Variants in CHD9NB observed in about 807,000 individuals in gnomAD.
CHD9NB encodes CHD9 neighbor protein.
the CHD9NB span, among the ~76,000 whole-genome samples, chr16:53,041,924 G>A: frequency 6.6e-6 from 1 of 152,178 alleles, no homozygotes; most frequent in Non-Finnish European, 1.5e-5. Flanking sequence ...CCTGGGACAG[G>A]GCAGGGCTTT....
the CHD9NB span, among the ~76,000 whole-genome samples, chr16:53,048,262 T>A: frequency 6.6e-6 from 1 of 151,500 alleles, no homozygotes; most frequent in African/African-American, 2.4e-5. Flanking sequence ...AAAAATTAGC[T>A]GGGTGTGGTG....
chr16:53,045,124 T>C, the CHD9NB span, among the ~76,000 whole-genome samples: 2 of 151,920 alleles, frequency 1.3e-5, no homozygotes, highest in South Asian at 4.1e-4. Context: ...TGTTTTTTTG[T>C]AGAGGTGCCG....
chr16:53,048,367 T>C, the CHD9NB span, among the ~76,000 whole-genome samples: 88 of 152,276 alleles, frequency 5.8e-4, no homozygotes, highest in African/African-American at 2.0e-3. Flanking sequence ...TGTGCCAAGA[T>C]TGTGCCACTG....
At chr16:53,037,159 C>G in the CHD9NB span, among the ~76,000 whole-genome samples, 17 of 152,294 alleles carry the variant, frequency 1.1e-4, no homozygotes, top group Middle Eastern at 3.4e-3. Flanking sequence ...TGGTCTTGAT[C>G]TCCTGACCTC....
chr16:53,051,810 T>TATATAA, the CHD9NB span, among the ~76,000 whole-genome samples: 1 of 136,166 alleles, frequency 7.3e-6, no homozygotes, highest in Non-Finnish European at 1.5e-5. Context: ...TATATATATA[T>TATATAA]AATGAGTACC....
chr16:53,051,454 T>C, the CHD9NB span, among the ~76,000 whole-genome samples: 1 of 151,748 alleles, frequency 6.6e-6, no homozygotes, highest in Non-Finnish European at 1.5e-5. Flanking sequence ...AAATGATGAG[T>C]TCATGTCCTT....
At chr16:53,042,350 C>A in the CHD9NB span, among the ~76,000 whole-genome samples, 2 of 150,348 alleles carry the variant, frequency 1.3e-5, no homozygotes, top group Non-Finnish European at 3.0e-5. Context: ...TGCCTCTCCC[C>A]GCTCTTTCAT....
chr16:53,041,600 C>T, the CHD9NB span, among the ~76,000 whole-genome samples: 1 of 152,154 alleles, frequency 6.6e-6, no homozygotes, highest in Non-Finnish European at 1.5e-5. Flanking sequence ...GCTGAGTGAG[C>T]TCTGCCCCTC....
chr16:53,037,877 G>C, the CHD9NB span, among the ~76,000 whole-genome samples: 10 of 152,088 alleles, frequency 6.6e-5, no homozygotes, highest in South Asian at 8.3e-4. Flanking sequence ...ATTAGTCAGG[G>C]TCCTCCAGAG....
chr16:53,044,391 C>A, the CHD9NB span: 1 of 381,686 alleles, frequency 2.6e-6, no homozygotes, highest in East Asian at 3.7e-5. Flanking sequence ...ATTCCAGGCA[C>A]TGTGCCCCAT....
the CHD9NB span, among the ~76,000 whole-genome samples, chr16:53,048,569 CACTT>C: frequency 6.6e-6 from 1 of 152,222 alleles, no homozygotes; most frequent in Admixed American, 6.5e-5. Context: ...GCTTCTCACT[CACTT>C]ACTCATTCAA....
At chr16:53,050,910 C>T in the CHD9NB span, among the ~76,000 whole-genome samples, 2 of 149,598 alleles carry the variant, frequency 1.3e-5, no homozygotes, top group South Asian at 2.1e-4. Context: ...TTTTTTGAGA[C>T]GGAGTCTCGC....
chr16:53,038,000 G>T, the CHD9NB span, among the ~76,000 whole-genome samples: 2 of 152,204 alleles, frequency 1.3e-5, no homozygotes, highest in Non-Finnish European at 2.9e-5. Flanking sequence ...GTATGCTGGA[G>T]ACCCAGGAAA....
chr16:53,052,098 G>A, the CHD9NB span, among the ~76,000 whole-genome samples: 1 of 151,412 alleles, frequency 6.6e-6, no homozygotes, highest in South Asian at 2.1e-4. Context: ...TAGTGCATGA[G>A]CCAGGTATGG....
chr16:53,045,990 C>T, the CHD9NB span, among the ~76,000 whole-genome samples: 10 of 152,154 alleles, frequency 6.6e-5, no homozygotes, highest in Admixed American at 1.3e-4. Flanking sequence ...TGCCACAAAA[C>T]TCCCCTATAA....
chr16:53,043,942 C>T, the CHD9NB span: 1 of 398,548 alleles, frequency 2.5e-6, no homozygotes, highest in Non-Finnish European at 4.4e-6. Context: ...TCTCATGGTT[C>T]TGGGGCCAAA....
chr16:53,046,366 A>C, the CHD9NB span, among the ~76,000 whole-genome samples: 2 of 152,062 alleles, frequency 1.3e-5, no homozygotes, highest in Non-Finnish European at 2.9e-5. Flanking sequence ...AGTCTTTACA[A>C]AATGAATGTG....
chr16:53,041,697 G>T, the CHD9NB span, among the ~76,000 whole-genome samples: 2 of 151,984 alleles, frequency 1.3e-5, no homozygotes, highest in Non-Finnish European at 2.9e-5. Flanking sequence ...TGTGGACATT[G>T]CAAGCAGCTC....
At chr16:53,051,051 C>G in the CHD9NB span, among the ~76,000 whole-genome samples, 1 of 152,050 alleles carries the variant, frequency 6.6e-6, no homozygotes, top group African/African-American at 2.4e-5. Context: ...CCATGCCCAG[C>G]TAATTTTTTG....
Sources: gnomAD v4.1 joint callset for allele counts (sites outside exome capture counted in the v4.1 genomes callset) on GRCh38, gnomAD v4.1.1 for gene constraint, MANE v1.5 for transcripts, NCBI Gene and HGNC (gene_info 2026-07-23, HGNC 2026-07-21) for gene names.